The following IL6R variants were observed in gnomAD, a reference collection of about 807,000 sequenced individuals.
IL6R encodes the protein interleukin-6 receptor subunit alpha.
In IL6R, 38 loss-of-function variants were observed where a neutral mutation model predicts 48.3. The observed-to-expected ratio is 0.79, with a 90% CI of 0.61 to 1.03. The LOEUF is 1.03. Ranked by LOEUF, IL6R falls within the 50% of genes least tolerant of loss-of-function variation. The pLI is 0.00. For missense variants in IL6R, 534 were observed against 618.3 expected (o/e 0.86, Z 1.45); for synonymous variants, 264 against 256.2 (o/e 1.03, Z -0.29).
At chr1:154,447,209 C>T (rs1025571264) in intron 6 of IL6R, among the ~76,000 whole-genome samples, 7 of 151,392 alleles carry the variant, frequency 4.6e-5, no homozygotes, top group African/African-American at 4.9e-5. Context: ...GAGGCCAAAG[C>T]GGATAGATCA....
chr1:154,411,856 A>G (rs1444783427), intron 1 of IL6R, among the ~76,000 whole-genome samples: 1 of 152,140 alleles, frequency 6.6e-6, no homozygotes, highest in Non-Finnish European at 1.5e-5. Flanking sequence ...TGACAAAGCA[A>G]GACCCTGTCT....
intron 6 of IL6R, among the ~76,000 whole-genome samples, chr1:154,445,701 GTT>G (rs1375248348): frequency 6.7e-6 from 1 of 150,326 alleles, no homozygotes; most frequent in African/African-American, 2.5e-5. Context: ...AGTGAGCTGA[GTT>G]TGCGCCACAG....
At chr1:154,415,114 C>A (rs747116846) in intron 1 of IL6R, 5 of 1,120,556 alleles carry the variant, frequency 4.5e-6, no homozygotes, top group African/African-American at 1.5e-5. Flanking sequence ...CGGTTCCACT[C>A]GCCCTTGAGT....
intron 1 of IL6R, among the ~76,000 whole-genome samples, chr1:154,412,867 T>C (rs943312818): frequency 4.6e-5 from 7 of 151,972 alleles, no homozygotes; most frequent in East Asian, 1.9e-4. Flanking sequence ...GGGTTGGAAC[T>C]TGGGTATATC....
chr1:154,414,397 G>A (rs557260264), intron 1 of IL6R: 90 of 1,420,134 alleles, frequency 6.3e-5, no homozygotes, highest in South Asian at 1.1e-4. Flanking sequence ...GGGCATACTC[G>A]GTGACCTGTT....
intron 1 of IL6R, among the ~76,000 whole-genome samples, chr1:154,412,184 T>C (rs1221185614): frequency 6.6e-6 from 1 of 151,914 alleles, no homozygotes; most frequent in Non-Finnish European, 1.5e-5. Context: ...CCTGACCTTG[T>C]GATCTGCCCA....
chr1:154,469,255 C>T lies in IL6R; in HGVS notation c.*3875C>T, dbSNP rs921056449. Reference sequence around the variant, plus strand: ...TGTTAAATAGAATACCTCAACTCTACGTTGTTTTCTTGGAGATAAATAATA... The same window carrying T: ...TGTTAAATAGAATACCTCAACTCTATGTTGTTTTCTTGGAGATAAATAATA... On this transcript the variant is annotated 3_prime_UTR_variant, in exon 10 of 10. Coordinates refer to ENST00000368485, the MANE Select transcript of IL6R (RefSeq NM_000565.4). 3.9e-5 allele frequency: 6 copies of T among 152,168 alleles called. No homozygotes were observed. Among genetic ancestry groups the T allele is most frequent in the Non-Finnish European group, 5.9e-5 (4 of 68,034 alleles). The allele number at this position is 152,168 out of a possible 1,614,324, so 9.4% of individuals were successfully genotyped here.
chr1:154,417,194 C>T (rs1242765036), intron 1 of IL6R, among the ~76,000 whole-genome samples: 3 of 152,172 alleles, frequency 2.0e-5, no homozygotes, highest in African/African-American at 4.8e-5. Context: ...GACAAGACCC[C>T]TAGGCCATGC....
chr1:154,461,392 C>T (rs1035073861), intron 9 of IL6R, among the ~76,000 whole-genome samples: 1 of 152,118 alleles, frequency 6.6e-6, no homozygotes, highest in Non-Finnish European at 1.5e-5. Flanking sequence ...TCCCTTTTGC[C>T]GGTCTGCTAA....
intron 8 of IL6R, 29 bp downstream of exon 8, chr1:154,450,009 G>C: frequency 7.2e-7 from 1 of 1,396,314 alleles, no homozygotes; most frequent in Non-Finnish European, 1.0e-6. Context: ...CATATTCCCA[G>C]GGTCCGAGGG....
chr1:154,465,054 C>G (rs1691479064), intron 9 of IL6R, 80 bp from the exon 10 acceptor site: 1 of 1,564,918 alleles, frequency 6.4e-7, no homozygotes. Context: ...GGGCAGCCAG[C>G]TGTTGGTGTT....
At chr1:154,436,546 G>A (rs957745533) in intron 6 of IL6R, among the ~76,000 whole-genome samples, 17 of 152,182 alleles carry the variant, frequency 1.1e-4, no homozygotes, top group African/African-American at 3.1e-4. Flanking sequence ...AATACAGTCA[G>A]TTAGGCAGCT....
chr1:154,434,498 C>T lies in IL6R; in HGVS notation c.459-21C>T, dbSNP rs568804099. The T allele has an allele frequency of 8.1e-6, 13 of 1,605,108 alleles. No homozygotes were observed. In the East Asian group the frequency reaches 2.5e-4, roughly 30 times the overall value. On this transcript the variant is annotated intron_variant, in intron 3 of 9. Transcript: ENST00000368485. ...GTGCGAAACTGACAGGCAAGCCCTG[C>T]CCTTGTTTTGTGTCTAACAGTCAGA...
Position 154,430,850 on chromosome 1 carries a change from G to A in IL6R, c.458+244G>A, listed in dbSNP as rs541815599. Among the ~76,000 whole-genome samples the A allele has an allele frequency of 7.9e-5, 12 of 152,330 alleles. No individual in the cohort carries two copies. The South Asian group carries it at 2.5e-3, about 32-fold the overall frequency. On this transcript the variant is annotated intron_variant, in intron 3 of 9. Coordinates refer to ENST00000368485, the MANE Select transcript of IL6R (RefSeq NM_000565.4). ...TTGGTTATCACAACAGCTATGGGAA[G>A]TGGGCTTTATTTTTCTCACTTAACA...
chr1:154,419,934 G>A (rs753155948), intron 1 of IL6R, among the ~76,000 whole-genome samples: 9 of 152,286 alleles, frequency 5.9e-5, no homozygotes, highest in African/African-American at 9.6e-5. Flanking sequence ...CTGTGCTGCA[G>A]GGTCCCCAGA....
At chr1:154,420,262 T>A (rs1688580875) in intron 1 of IL6R, among the ~76,000 whole-genome samples, 1 of 152,074 alleles carries the variant, frequency 6.6e-6, no homozygotes, top group South Asian at 2.1e-4. Context: ...TCCTGCCCTC[T>A]GAGAGCTAAT....
intron 3 of IL6R, among the ~76,000 whole-genome samples, chr1:154,433,077 GACCCC>G (rs908481168): frequency 5.9e-5 from 9 of 152,364 alleles, no homozygotes; most frequent in Non-Finnish European, 1.2e-4. Context: ...CCGGCCCTCT[GACCCC>G]ACCTGGGCAC....
intron 1 of IL6R, chr1:154,414,946 A>T (rs1041138181): frequency 2.0e-5 from 24 of 1,228,046 alleles, no homozygotes; most frequent in Non-Finnish European, 2.6e-5. Flanking sequence ...GTCCTCGCAT[A>T]GGATGCTCCA....
At chr1:154,446,565 C>G (rs1690241104) in intron 6 of IL6R, among the ~76,000 whole-genome samples, 1 of 152,178 alleles carries the variant, frequency 6.6e-6, no homozygotes, top group Non-Finnish European at 1.5e-5. Flanking sequence ...GCATTCCACT[C>G]ACTGCCTGTT....
Sources: gnomAD v4.1 joint callset for allele counts (sites outside exome capture counted in the v4.1 genomes callset) on GRCh38, gnomAD v4.1.1 for gene constraint, MANE v1.5 for transcripts, NCBI Gene and HGNC (gene_info 2026-07-23, HGNC 2026-07-21) for gene names.